Variants in TCF12 observed in about 807,000 individuals in gnomAD.
TCF12 encodes DNA-binding protein HTF4.
In TCF12, 45 loss-of-function variants were observed where a neutral mutation model predicts 86.0. That is an observed-to-expected ratio of 0.52 (90% CI 0.41 to 0.67). The LOEUF (loss-of-function observed/expected upper bound fraction) is 0.67. TCF12 is among the 30% of genes least tolerant of loss of function. The pLI is 0.00. For synonymous variants in TCF12, 330 were observed against 299.6 expected, an observed-to-expected ratio of 1.10 and a Z score of -1.05; for missense variants, 881 against 859.9, an observed-to-expected ratio of 1.02 and a Z score of -0.31.
chr15:57,232,268 T>G (rs373359949), intron 9 of TCF12, 23 bp from the exon 10 acceptor site: 48 of 1,612,350 alleles, frequency 3.0e-5, no homozygotes, highest in Non-Finnish European at 2.5e-5. Flanking sequence ...AAGGAAAATT[T>G]TATATTTCTC....
intron 3 of TCF12, among the ~76,000 whole-genome samples, chr15:56,925,517 T>C (rs1186637431): frequency 1.3e-5 from 2 of 152,222 alleles, no homozygotes; most frequent in African/African-American, 4.8e-5. Context: ...TTTCAAATTT[T>C]ATACTTAATT....
rs568641282 is a variant in TCF12, at chr15:57,073,325, G to A, written c.222+9502G>A. On this transcript the variant is annotated intron_variant, in intron 4 of 20. Coordinates refer to ENST00000333725, the MANE Select transcript of TCF12 (RefSeq NM_207037.2). ...TTATGTCCCTTTTTGTAATTGTTGA[G>A]GTCTTTCTTGACAGCCTGTTTAATA... Among the ~76,000 whole-genome samples the A allele has an allele frequency of 7.2e-5, 11 of 152,140 alleles. No individual in the cohort carries two copies. The South Asian group carries it at 1.9e-3, about 26-fold the overall frequency.
intron 3 of TCF12, among the ~76,000 whole-genome samples, chr15:56,976,224 C>CTTTTTTTTTT (rs35959497): frequency 1.7e-5 from 1 of 57,376 alleles, no homozygotes; most frequent in African/African-American, 7.1e-5. Context: ...AAGGAAGTTT[C>CTTTTTTTTTT]TTTTTTTTTT....
intron 3 of TCF12, among the ~76,000 whole-genome samples, chr15:57,020,198 A>T (rs1469767375): frequency 1.3e-5 from 2 of 152,222 alleles, no homozygotes; most frequent in Non-Finnish European, 2.9e-5. Context: ...AATCTAGGAC[A>T]TGTGTGCCTT....
At chr15:57,112,798 A>C (rs939914988) in intron 5 of TCF12, among the ~76,000 whole-genome samples, 2 of 152,212 alleles carry the variant, frequency 1.3e-5, no homozygotes, top group African/African-American at 4.8e-5. Flanking sequence ...CTAAAGACTC[A>C]GACTTTGTAC....
chr15:57,095,211 G>A (rs1417843262), intron 5 of TCF12, among the ~76,000 whole-genome samples: 7 of 152,130 alleles, frequency 4.6e-5, no homozygotes, highest in African/African-American at 9.7e-5. Flanking sequence ...AAAACTGTAT[G>A]AAAAGCTTTG....
chr15:57,145,820 C>T (rs1300795946), intron 5 of TCF12, among the ~76,000 whole-genome samples: 1 of 152,146 alleles, frequency 6.6e-6, no homozygotes, highest in Admixed American at 6.5e-5. Context: ...TGCTACTCTG[C>T]TCCTGCTGCG....
At chr15:56,973,248 G>A (rs1485734338) in intron 3 of TCF12, among the ~76,000 whole-genome samples, 1 of 152,048 alleles carries the variant, frequency 6.6e-6, no homozygotes, top group African/African-American at 2.4e-5. Flanking sequence ...ATATGAATGT[G>A]TATGTATGAG....
intron 5 of TCF12, among the ~76,000 whole-genome samples, chr15:57,157,920 C>T (rs2593250): frequency 0.68 from 103,566 of 151,936 alleles, 37,592 homozygotes; most frequent in Non-Finnish European, 0.81. Context: ...AATTCTTCCC[C>T]GTTCATTCAT....
At chr15:57,062,835 CTG>C (rs1243922866) in intron 3 of TCF12, among the ~76,000 whole-genome samples, 1 of 152,120 alleles carries the variant, frequency 6.6e-6, no homozygotes, top group East Asian at 1.9e-4. Flanking sequence ...TCAACTATTT[CTG>C]TGTTGATGAA....
intron 3 of TCF12, among the ~76,000 whole-genome samples, chr15:56,950,063 A>G (rs545176385): frequency 9.8e-5 from 15 of 152,312 alleles, no homozygotes; most frequent in African/African-American, 3.4e-4. Context: ...CATCACCACA[A>G]TCAAGGTGAT....
intron 9 of TCF12, 108 bp downstream of exon 9, chr15:57,231,365 A>AT (rs3838866): frequency 0.024 from 17,880 of 743,316 alleles, 1,549 homozygotes; most frequent in African/African-American, 0.24. Flanking sequence ...TTATTTAGGC[A>AT]TTTTTTTTGG....
intron 8 of TCF12, among the ~76,000 whole-genome samples, chr15:57,209,670 AT>A: frequency 6.6e-6 from 1 of 152,052 alleles, no homozygotes; most frequent in Non-Finnish European, 1.5e-5. Context: ...TTTTGTTTTT[AT>A]TTTTAGACAC....
intron 19 of TCF12, among the ~76,000 whole-genome samples, chr15:57,276,549 G>A (rs1379294039): frequency 6.6e-6 from 1 of 152,130 alleles, no homozygotes; most frequent in African/African-American, 2.4e-5. Flanking sequence ...ATCTAATCTT[G>A]TGCTGAATAC....
chr15:57,170,569 T>C (rs1328764917), intron 6 of TCF12, among the ~76,000 whole-genome samples: 1 of 137,998 alleles, frequency 7.2e-6, no homozygotes, highest in African/African-American at 2.8e-5. Flanking sequence ...ATTTGGGTCT[T>C]CATATACCTC....
chr15:56,969,742 C>T (rs2062193470), intron 3 of TCF12, among the ~76,000 whole-genome samples: 1 of 152,026 alleles, frequency 6.6e-6, no homozygotes, highest in Non-Finnish European at 1.5e-5. Context: ...TGGTCTTGAT[C>T]TCTGGGTAGA....
intron 18 of TCF12, among the ~76,000 whole-genome samples, chr15:57,271,601 G>C (rs1469539140): frequency 2.6e-5 from 4 of 152,114 alleles, no homozygotes; most frequent in African/African-American, 9.7e-5. Flanking sequence ...TGCACCCACT[G>C]TTCAACCAGT....
intron 3 of TCF12, among the ~76,000 whole-genome samples, chr15:56,921,318 T>C (rs2059781623): frequency 6.6e-6 from 1 of 152,080 alleles, no homozygotes; most frequent in African/African-American, 2.4e-5. Context: ...TTTAAAATGT[T>C]AGTGGGGTAA....
At chr15:56,992,000 C>T (rs1255964320) in intron 3 of TCF12, among the ~76,000 whole-genome samples, 1 of 151,856 alleles carries the variant, frequency 6.6e-6, no homozygotes, top group African/African-American at 2.4e-5. Context: ...CATGCCTGTA[C>T]CCTAGTACTT....
Sources: allele counts gnomAD v4.1 joint callset (sites outside exome capture counted in the v4.1 genomes callset), GRCh38; gene constraint gnomAD v4.1.1; transcripts MANE v1.5; gene names NCBI Gene and HGNC (gene_info 2026-07-23, HGNC 2026-07-21).